DIAPH3: variants seen among roughly 807,000 people sequenced by gnomAD.
DIAPH3 encodes the protein protein diaphanous homolog 3.
A neutral mutation model predicts 144.3 loss-of-function variants in DIAPH3; 117 were observed. The observed-to-expected ratio is 0.81, with a 90% CI of 0.70 to 0.95. DIAPH3 has a LOEUF of 0.95. Among genes scored for constraint, DIAPH3 ranks in the 40% least tolerant of loss-of-function variants. DIAPH3 has a pLI of 0.00. For missense variants in DIAPH3, 1,421 were observed against 1,412.7 expected (o/e 1.01, Z -0.09); for synonymous variants, 519 against 488.9 (o/e 1.06, Z -0.81).
At chr13:59,837,628 T>C (rs979350998) in intron 23 of DIAPH3, 4 of 152,644 alleles carry the variant, frequency 2.6e-5, no homozygotes, top group African/African-American at 9.6e-5. Context: ...ATATGAATAT[T>C]TTAACATGAT....
At chr13:60,073,304 G>T (rs909360173) in intron 4 of DIAPH3, among the ~76,000 whole-genome samples, 1 of 149,366 alleles carries the variant, frequency 6.7e-6, no homozygotes, top group Non-Finnish European at 1.5e-5. Flanking sequence ...GCGGGATGTT[G>T]TCTCAAAAAA....
chr13:60,008,329 G>C (rs958328346), intron 9 of DIAPH3, among the ~76,000 whole-genome samples: 1 of 152,156 alleles, frequency 6.6e-6, no homozygotes, highest in East Asian at 1.9e-4. Context: ...CCAGGAGGCA[G>C]AGCTTTCAGT....
intron 4 of DIAPH3, among the ~76,000 whole-genome samples, chr13:60,066,292 T>C (rs1434236532): frequency 6.6e-6 from 1 of 152,168 alleles, no homozygotes. Flanking sequence ...ATATTATAAA[T>C]GTTATATCTA....
intron 22 of DIAPH3, 185 bp downstream of exon 22, chr13:59,861,222 A>G: frequency 2.0e-6 from 3 of 1,491,958 alleles, no homozygotes; most frequent in Non-Finnish European, 2.7e-6. Context: ...AACTAAACAA[A>G]TTAAACTCAT....
At chr13:59,738,334 G>T (rs1168478126) in intron 27 of DIAPH3, among the ~76,000 whole-genome samples, 2 of 152,022 alleles carry the variant, frequency 1.3e-5, no homozygotes, top group Non-Finnish European at 2.9e-5. Flanking sequence ...AGAGGGTGGG[G>T]GTGAATGGGG....
chr13:59,917,827 TTGCAGTGAGCCAAGATTGCACCAC>T (rs1395785574), intron 18 of DIAPH3, among the ~76,000 whole-genome samples: 3 of 136,616 alleles, frequency 2.2e-5, no homozygotes, highest in African/African-American at 8.4e-5. Flanking sequence ...GAGGCAGAGG[TTGCAGTGAGCCAAGATTGCACCAC>T]TGCACTCCAG....
rs539227708 is a variant in DIAPH3 at position 59,679,973 on chromosome 13, C to G, written c.3320-13127G>C. Among the ~76,000 whole-genome samples, 3 of 152,166 alleles carry G rather than the reference C, an allele frequency of 2.0e-5. No homozygotes were observed. In the East Asian group the frequency reaches 5.8e-4, roughly 29 times the overall value. On this transcript the variant is annotated intron_variant, in intron 27 of 27. Transcript: ENST00000400324. ...TTTCCTACTTTATTTCAATCTGGGG[C>G]ATCATAGTAAATGTAGCATCTGTTA... is the stretch of plus-strand genomic sequence containing the variant.
intron 5 of DIAPH3, among the ~76,000 whole-genome samples, chr13:60,029,107 TAAC>T (rs369273320): frequency 6.6e-6 from 1 of 151,184 alleles, no homozygotes; most frequent in African/African-American, 2.4e-5. Context: ...ACGGAACAAG[TAAC>T]AACCTCCTCC....
At chr13:59,862,826 T>A (rs915679616) in intron 21 of DIAPH3, among the ~76,000 whole-genome samples, 5 of 152,146 alleles carry the variant, frequency 3.3e-5, no homozygotes, top group Admixed American at 2.0e-4. Flanking sequence ...ATATACTGTA[T>A]GCATATCTGT....
chr13:60,086,265 C>T (rs1352405065), intron 4 of DIAPH3, among the ~76,000 whole-genome samples: 1 of 152,126 alleles, frequency 6.6e-6, no homozygotes, highest in Non-Finnish European at 1.5e-5. Context: ...ACCACTGGTG[C>T]TGCCCAGAAA....
At chr13:59,991,582 C>T (rs1265119191) in intron 11 of DIAPH3, among the ~76,000 whole-genome samples, 1 of 151,826 alleles carries the variant, frequency 6.6e-6, no homozygotes, top group Non-Finnish European at 1.5e-5. Context: ...CTAAAGGTTG[C>T]CTGACCAACA....
At chr13:59,788,497 C>G (rs1023909427) in intron 25 of DIAPH3, among the ~76,000 whole-genome samples, 1 of 152,076 alleles carries the variant, frequency 6.6e-6, no homozygotes, top group African/African-American at 2.4e-5. Flanking sequence ...GCACATATCA[C>G]ATAATAATTT....
Position 59,970,836 on chromosome 13 carries a change from T to C in DIAPH3, c.1959+16A>G. ...AGATCTAAGTAAAAGTATTTTCCTCTATTAATTTCTTTTACCTTTAACCAA... is the reference window on the plus strand; with the variant it reads ...AGATCTAAGTAAAAGTATTTTCCTCCATTAATTTCTTTTACCTTTAACCAA... On this transcript the variant is annotated intron_variant, in intron 16 of 27. Transcript: ENST00000400324. 6.2e-7 allele frequency: 1 copy of C among 1,603,692 alleles called. No homozygotes were observed. The highest frequency in any genetic ancestry group is 8.5e-7 in the Non-Finnish European group (1 of 1,173,442).
chr13:60,031,433 C>A (rs2054786278), intron 5 of DIAPH3, among the ~76,000 whole-genome samples: 1 of 152,130 alleles, frequency 6.6e-6, no homozygotes, highest in Non-Finnish European at 1.5e-5. Context: ...CCAAGCCCCT[C>A]CCAAATATCA....
At chr13:59,923,354 CAT>C (rs927651686) in intron 18 of DIAPH3, among the ~76,000 whole-genome samples, 13 of 152,078 alleles carry the variant, frequency 8.5e-5, no homozygotes, top group African/African-American at 3.1e-4. Context: ...CATTATCTGA[CAT>C]AGTTCAAAAC....
chr13:60,030,842 T>C (rs2054732525), intron 5 of DIAPH3, among the ~76,000 whole-genome samples: 1 of 152,224 alleles, frequency 6.6e-6, no homozygotes, highest in South Asian at 2.1e-4. Flanking sequence ...ATGTGGTAAG[T>C]AGCTTCTGTA....
chr13:59,777,705 C>T (rs891466839), intron 25 of DIAPH3, among the ~76,000 whole-genome samples: 2 of 152,064 alleles, frequency 1.3e-5, no homozygotes, highest in Admixed American at 1.3e-4. Context: ...GAATGCAAGG[C>T]AACAATCATA....
At chr13:59,969,339 T>A (rs570572194) in intron 17 of DIAPH3, among the ~76,000 whole-genome samples, 4 of 152,338 alleles carry the variant, frequency 2.6e-5, no homozygotes, top group African/African-American at 7.2e-5. Flanking sequence ...GATATTTTTA[T>A]CCCATGTGAC....
intron 7 of DIAPH3, among the ~76,000 whole-genome samples, chr13:60,012,258 T>C (rs1051591456): frequency 2.0e-5 from 3 of 152,062 alleles, no homozygotes; most frequent in Admixed American, 6.5e-5. Flanking sequence ...TAAACCACTA[T>C]CTGAGAAACA....
Sources: allele counts gnomAD v4.1 joint callset (sites outside exome capture counted in the v4.1 genomes callset), GRCh38; gene constraint gnomAD v4.1.1; transcripts MANE v1.5; gene names NCBI Gene and HGNC (gene_info 2026-07-23, HGNC 2026-07-21).